Variants in PCDHGA4 observed in about 807,000 individuals in gnomAD.
PCDHGA4 encodes protocadherin gamma subfamily A, 4.
Under a neutral mutation model 54.6 loss-of-function variants are expected in PCDHGA4, and 38 were observed. The observed-to-expected ratio is 0.70, with a 90% CI of 0.54 to 0.91. The LOEUF is 0.91. PCDHGA4 is among the 40% of genes least tolerant of loss of function. The pLI is 0.00. For synonymous variants in PCDHGA4, 511 were observed against 512.9 expected (o/e 1.00, Z 0.05); for missense variants, 1,298 against 1,220.9 (o/e 1.06, Z -0.94).
chr5:141,422,140 C>A, intron 1 of PCDHGA4: 1 of 1,586,776 alleles, frequency 6.3e-7, no homozygotes, highest in Non-Finnish European at 8.5e-7. Flanking sequence ...AGTTCAAGTA[C>A]GGGGGTCTCT....
chr5:141,445,376 A>T (rs1182418123), intron 1 of PCDHGA4, among the ~76,000 whole-genome samples: 1 of 152,220 alleles, frequency 6.6e-6, no homozygotes, highest in Non-Finnish European at 1.5e-5. Context: ...TGGGTGGTTC[A>T]TTCATTCATT....
rs1373678836 is a variant in PCDHGA4, at chr5:141,477,459, C to T, written c.2515-17348C>T. 6.2e-7 allele frequency: 1 copy of T among 1,614,186 alleles called. No homozygotes were observed. The highest frequency in any genetic ancestry group is 8.5e-7 in the Non-Finnish European group (1 of 1,180,034). On this transcript the variant is annotated intron_variant, in intron 1 of 3. Coordinates refer to ENST00000571252, the MANE Select transcript of PCDHGA4 (RefSeq NM_018917.4). This position sits in a 1 kb window ranked among gnomAD's most constrained non-coding sequence, Gnocchi z 4.9. ...CTTACAATAGTGCGTGTTCAAGTGTCCGACATCAATGACAACCCTCCACAA... is the reference window on the plus strand; with the variant it reads ...CTTACAATAGTGCGTGTTCAAGTGTTCGACATCAATGACAACCCTCCACAA...
chr5:141,476,747 C>T lies in PCDHGA4; in HGVS notation c.2515-18060C>T. The T allele has an allele frequency of 6.2e-7, 1 of 1,614,066 alleles. No homozygotes were observed. The highest frequency in any genetic ancestry group is 8.5e-7 in the Non-Finnish European group (1 of 1,180,036). On this transcript the variant is annotated intron_variant, in intron 1 of 3. Transcript: ENST00000571252. This position sits in a 1 kb window ranked among gnomAD's most constrained non-coding sequence, Gnocchi z 7.6. The stretch of plus-strand genomic sequence containing the variant: ...GGACCGAGAACGGGAGCCTAGTCTC[C>T]AGTTAGTGCTGACGGCGTTGGACGG...
rs1421670958 is a variant in PCDHGA4, at chr5:141,432,558, A to C, written c.2515-62249A>C. ...GTGGCGGTGGACAGAGACTCCGGCC[A>C]GAACGCCTGGCTGTCCTACCGTCTG... On this transcript the variant is annotated intron_variant, in intron 1 of 3. Transcript: ENST00000571252. This position sits in a 1 kb window ranked among gnomAD's most constrained non-coding sequence, Gnocchi z 6.0. The C allele has an allele frequency of 1.9e-6, 3 of 1,613,756 alleles. No individual in the cohort carries two copies. The highest frequency in any genetic ancestry group is 2.2e-5 in the South Asian group (2 of 91,060).
rs750564390 is a variant in PCDHGA4, at chr5:141,494,823, C to T, written c.2531C>T (p.Thr844Met). Residue 844 changes from threonine to methionine, a missense_variant, in exon 2 of 4, where the codon ACG becomes ATG. Physicochemically the swap from Thr to Met is moderately conservative, Grantham distance 81. Coordinates refer to ENST00000571252, the MANE Select transcript of PCDHGA4 (RefSeq NM_018917.4). Reference sequence around the variant, plus strand: ...TCTCCACAGCAAGCCCCGCCCAACACGGACTGGCGTTTCTCTCAGGCCCAG... The same window carrying T: ...TCTCCACAGCAAGCCCCGCCCAACATGGACTGGCGTTTCTCTCAGGCCCAG... ...DPNLQQAPPN[T>M]DWRFSQAQRP... 7 of 1,614,014 alleles carry T rather than the reference C, an allele frequency of 4.3e-6. No individual in the cohort carries two copies. The East Asian group carries it at 8.9e-5, about 21-fold the overall frequency.
Position 141,355,804 on chromosome 5 carries a change from C to A in PCDHGA4, c.697C>A (p.Arg233Ser). ...PELVLERALD[R>S]EEEAVHHLVL... ...GCTGGTGCTGGAACGCGCTCTAGAT[C>A]GCGAGGAAGAGGCGGTTCACCACCT... is the stretch of plus-strand genomic sequence containing the variant. Residue 233 changes from arginine to serine, a missense_variant, in exon 1 of 4, where the codon CGC (arginine) becomes AGC (serine). Arg to Ser is a moderately radical substitution (Grantham distance 110). Coordinates refer to ENST00000571252, the MANE Select transcript of PCDHGA4 (RefSeq NM_018917.4). 2 of 1,613,356 alleles carry A rather than the reference C, an allele frequency of 1.2e-6. No individual in the cohort carries two copies. The highest frequency in any genetic ancestry group is 1.7e-6 in the Non-Finnish European group (2 of 1,179,612).
Position 141,356,073 on chromosome 5 carries a change from A to G in PCDHGA4, c.966A>G (p.Leu322=). The change falls in exon 1 of 4, where the codon CTA becomes CTG. Residue 322 remains leucine (L), a synonymous_variant. Coordinates refer to ENST00000571252, the MANE Select transcript of PCDHGA4 (RefSeq NM_018917.4). Reference sequence around the variant, plus strand: ...AAGTAAGAGACAAAATATCACAGCTATTTCAGTTGAATTCTCTGAGTGGGG... The same window carrying G: ...AAGTAAGAGACAAAATATCACAGCTGTTTCAGTTGAATTCTCTGAGTGGGG... ...FRKVRDKISQ[L]FQLNSLSGDI... 6.2e-7 allele frequency: 1 copy of G among 1,613,872 alleles called. No individual in the cohort carries two copies. Among genetic ancestry groups the G allele is most frequent in the Non-Finnish European group, 8.5e-7 (1 of 1,179,862 alleles).
At chr5:141,384,845 A>G (rs866832912) in intron 1 of PCDHGA4, 1 of 1,613,546 alleles carries the variant, frequency 6.2e-7, no homozygotes. Flanking sequence ...GTCCAGGACC[A>G]CGGTCAGCCT....
At chr5:141,410,312 C>T (rs754522489) in intron 1 of PCDHGA4, 9 of 1,614,036 alleles carry the variant, frequency 5.6e-6, no homozygotes, top group South Asian at 3.3e-5. Context: ...AGTGCTCTTC[C>T]TCCTCGCCGT....
intron 1 of PCDHGA4, chr5:141,408,489 G>A: frequency 6.2e-7 from 1 of 1,614,076 alleles, no homozygotes; most frequent in Non-Finnish European, 8.5e-7. Flanking sequence ...GAGCAAATAT[G>A]CAAAGAGAGA....
chr5:141,390,295 A>G (rs1371103397), intron 1 of PCDHGA4: 2 of 1,613,930 alleles, frequency 1.2e-6, no homozygotes, highest in South Asian at 2.2e-5. Flanking sequence ...AGTTTCCTTT[A>G]AGTATAATTT....
intron 1 of PCDHGA4, among the ~76,000 whole-genome samples, chr5:141,444,359 C>T (rs942218966): frequency 7.9e-5 from 12 of 151,582 alleles, no homozygotes; most frequent in East Asian, 7.7e-4. Context: ...TTAGTAGAGA[C>T]GGGGTTTCTC....
Position 141,485,746 on chromosome 5 carries a change from C to T in PCDHGA4, c.2515-9061C>T, listed in dbSNP as rs1297635523. ...AGAAGCGCAGCGACGGCAGCCTGGT[C>T]CCAGAGCTGCTCCTGGAGAAGCCTT... On this transcript the variant is annotated intron_variant, in intron 1 of 3. Coordinates refer to ENST00000571252, the MANE Select transcript of PCDHGA4 (RefSeq NM_018917.4). The surrounding 1 kb of genome is among the most constrained non-coding windows in gnomAD (Gnocchi z 5.7). 6.2e-7 allele frequency: 1 copy of T among 1,614,128 alleles called. No individual in the cohort carries two copies. The highest frequency in any genetic ancestry group is 2.2e-5 in the East Asian group (1 of 44,880).
Position 141,476,091 on chromosome 5 carries a change from G to T in PCDHGA4, c.2515-18716G>T, listed in dbSNP as rs1470774975. The T allele has an allele frequency of 1.3e-6, 2 of 1,563,074 alleles. No homozygotes were observed. Among genetic ancestry groups the T allele is most frequent in the Non-Finnish European group, 1.7e-6 (2 of 1,159,286 alleles). On this transcript the variant is annotated intron_variant, in intron 1 of 3. Coordinates refer to ENST00000571252, the MANE Select transcript of PCDHGA4 (RefSeq NM_018917.4). This position sits in a 1 kb window ranked among gnomAD's most constrained non-coding sequence, Gnocchi z 7.6. ...AAATCTCAGGGACGATCTGGACCCC[G>T]CTGAGAGGAACTGCTTTTGAGTGAG...
In PCDHGA4 at chr5:141,355,454, T is replaced by G; in HGVS notation, c.347T>G (p.Val116Gly). The change falls in exon 1 of 4, where the codon GTC (valine) becomes GGC (glycine). Residue 116 changes from valine to glycine, a missense_variant. By Grantham distance (109) the Val-to-Gly change is moderately radical. Coordinates refer to ENST00000571252, the MANE Select transcript of PCDHGA4 (RefSeq NM_018917.4). The stretch of plus-strand genomic sequence containing the variant: ...CTGAACCCGCGCAGCGGCACCTTGG[T>G]CACCGCGGGTAGGATAGACAGGGAG... Reference protein sequence around the residue: ...FALNPRSGTLVTAGRIDREEL... With the variant: ...FALNPRSGTLGTAGRIDREEL... 1.9e-6 allele frequency: 3 copies of G among 1,614,066 alleles called. No homozygotes were observed. Among genetic ancestry groups the G allele is most frequent in the Middle Eastern group, 1.6e-4 (1 of 6,062 alleles).
Position 141,489,368 on chromosome 5 carries a change from C to T in PCDHGA4, c.2515-5439C>T, listed in dbSNP as rs889945954. The T allele has an allele frequency of 1.2e-5, 20 of 1,613,264 alleles. No homozygotes were observed. The highest frequency in any genetic ancestry group is 1.6e-5 in the Non-Finnish European group (19 of 1,179,484). On this transcript the variant is annotated intron_variant, in intron 1 of 3. Transcript: ENST00000571252. The surrounding 1 kb of genome is among the most constrained non-coding windows in gnomAD (Gnocchi z 4.5). The stretch of plus-strand genomic sequence containing the variant: ...GTGGTGGAGGAGTCTGAGCCGGGGA[C>T]GCTGGTGGGGAATGTTGCTCAGGAT...
intron 1 of PCDHGA4, chr5:141,365,748 CTG>C: frequency 6.2e-7 from 1 of 1,613,834 alleles, no homozygotes; most frequent in Non-Finnish European, 8.5e-7. Context: ...TCTATCTTCT[CTG>C]TGACAGCCCA....
chr5:141,403,879 T>C (rs981085034), intron 1 of PCDHGA4: 19 of 1,613,692 alleles, frequency 1.2e-5, no homozygotes, highest in Non-Finnish European at 1.6e-5. Context: ...GTCTAGATTA[T>C]GAAGAATGTT....
chr5:141,431,163 A>G lies in PCDHGA4; in HGVS notation c.2515-63644A>G. On this transcript the variant is annotated intron_variant, in intron 1 of 3. Transcript: ENST00000571252. This position sits in a 1 kb window ranked among gnomAD's most constrained non-coding sequence, Gnocchi z 4.8. ...AACGACAATGCGCCTTACTTTCGTG[A>G]AAGTGAATTAGAAATAAAAATTAGT... 1 of 1,614,246 alleles carries G rather than the reference A, an allele frequency of 6.2e-7. No individual in the cohort carries two copies. Among genetic ancestry groups the G allele is most frequent in the Non-Finnish European group, 8.5e-7 (1 of 1,180,036 alleles).
Sources: gnomAD v4.1 joint callset for allele counts (sites outside exome capture counted in the v4.1 genomes callset) on GRCh38, gnomAD v4.1.1 for gene constraint, Gnocchi (gnomAD v3.1) non-coding constraint, MANE v1.5 for transcripts, NCBI Gene and HGNC (gene_info 2026-07-23, HGNC 2026-07-21) for gene names.